The following DDX10 variants were observed in gnomAD, a reference collection of about 807,000 sequenced individuals.
The protein encoded by DDX10 is DEAD-box helicase 10.
In DDX10, 74 loss-of-function variants were observed where a neutral mutation model predicts 104.3. That is an observed-to-expected ratio of 0.71 (90% CI 0.59 to 0.86). DDX10 has a LOEUF of 0.86. DDX10 is among the 40% of genes least tolerant of loss of function. DDX10 has a pLI of 0.00. For missense variants in DDX10, 952 were observed against 1,040.0 expected (o/e 0.92, Z 1.16); for synonymous variants, 351 against 353.4 (o/e 0.99, Z 0.08).
Position 108,742,271 on chromosome 11 carries a change from AAAAC to A in DDX10, c.1965+18813_1965+18816del, listed in dbSNP as rs559275515. On this transcript the variant is annotated intron_variant, in intron 13 of 17. Transcript: ENST00000322536. ...TGAGACTCTGTCTCAAAAACAAAAC[AAAAC>A]AAAAAAAAAACCCTGGGCATGGTGG... Among the ~76,000 whole-genome samples the A allele has an allele frequency of 2.0e-3, 285 of 145,134 alleles. 1 individual carries two copies. The highest frequency in any genetic ancestry group is 7.1e-3 in the South Asian group (32 of 4,510).
intron 13 of DDX10, among the ~76,000 whole-genome samples, chr11:108,727,104 G>C (rs935260745): frequency 6.6e-6 from 1 of 151,842 alleles, no homozygotes; most frequent in African/African-American, 2.4e-5. Context: ...GGATCTTTCT[G>C]TTGTTGTGAG....
chr11:108,882,235 A>G (rs1385621125), intron 16 of DDX10, among the ~76,000 whole-genome samples: 3 of 152,236 alleles, frequency 2.0e-5, no homozygotes, highest in Non-Finnish European at 2.9e-5. Flanking sequence ...CATAAAACCT[A>G]CATGAAATGG....
At chr11:108,670,327 A>C (rs1161150391) in intron 1 of DDX10, among the ~76,000 whole-genome samples, 1 of 152,090 alleles carries the variant, frequency 6.6e-6, no homozygotes, top group Non-Finnish European at 1.5e-5. Flanking sequence ...AGGAGAGGGA[A>C]CAGGAGTAGG....
intron 13 of DDX10, among the ~76,000 whole-genome samples, chr11:108,787,878 G>A (rs1861817073): frequency 6.6e-6 from 1 of 151,992 alleles, no homozygotes; most frequent in Admixed American, 6.6e-5. Flanking sequence ...TGCGGTGAGC[G>A]GAGATCGTGC....
chr11:108,794,604 T>G (rs1009783856), intron 13 of DDX10, among the ~76,000 whole-genome samples: 1 of 152,180 alleles, frequency 6.6e-6, no homozygotes, highest in Non-Finnish European at 1.5e-5. Context: ...GTCAAATGCC[T>G]TTTTTACATT....
intron 13 of DDX10, among the ~76,000 whole-genome samples, chr11:108,834,797 G>A (rs1480043761): frequency 1.3e-5 from 2 of 151,604 alleles, no homozygotes; most frequent in African/African-American, 4.8e-5. Context: ...GCGTGGTGGC[G>A]GGCGCCTGTA....
At chr11:108,845,396 A>G (rs556040605) in intron 15 of DDX10, among the ~76,000 whole-genome samples, 5 of 152,200 alleles carry the variant, frequency 3.3e-5, no homozygotes, top group Admixed American at 2.6e-4. Context: ...AACTGAGTAT[A>G]CTACTACTAT....
At chr11:108,900,714 A>G (rs989471879) in intron 16 of DDX10, among the ~76,000 whole-genome samples, 4 of 152,158 alleles carry the variant, frequency 2.6e-5, no homozygotes, top group Non-Finnish European at 4.4e-5. Flanking sequence ...TACATGCCCA[A>G]GTTTGCCCCA....
At chr11:108,806,210 G>A (rs1173851650) in intron 13 of DDX10, among the ~76,000 whole-genome samples, 1 of 152,062 alleles carries the variant, frequency 6.6e-6, no homozygotes, top group African/African-American at 2.4e-5. Flanking sequence ...TGATCCCTCC[G>A]CCTTGGCCTC....
At chr11:108,936,695 C>T (rs1036585232) in intron 17 of DDX10, among the ~76,000 whole-genome samples, 1 of 152,074 alleles carries the variant, frequency 6.6e-6, no homozygotes, top group Non-Finnish European at 1.5e-5. Context: ...ATTTTATAAC[C>T]TATTTAATCC....
At chr11:108,794,313 C>T (rs1861910378) in intron 13 of DDX10, among the ~76,000 whole-genome samples, 1 of 151,836 alleles carries the variant, frequency 6.6e-6, no homozygotes, top group Non-Finnish European at 1.5e-5. Flanking sequence ...TTCACATTGA[C>T]AGTTATGTAA....
intron 13 of DDX10, among the ~76,000 whole-genome samples, chr11:108,776,838 T>TG (rs1253234419): frequency 3.3e-5 from 5 of 152,118 alleles, no homozygotes; most frequent in Admixed American, 2.0e-4. Context: ...AGCAAGAAAA[T>TG]GGGGACTTCA....
chr11:108,906,803 T>C (rs7103209), intron 16 of DDX10, among the ~76,000 whole-genome samples: 716 of 152,274 alleles, frequency 4.7e-3, no homozygotes, highest in Non-Finnish European at 7.8e-3. Context: ...CTGTGAAATA[T>C]TCATATATTA....
chr11:108,775,463 T>C (rs749315579), intron 13 of DDX10, among the ~76,000 whole-genome samples: 5 of 152,202 alleles, frequency 3.3e-5, no homozygotes, highest in Non-Finnish European at 5.9e-5. Flanking sequence ...GAAGAATTTA[T>C]GCTAAGCCTT....
intron 13 of DDX10, among the ~76,000 whole-genome samples, chr11:108,807,932 G>A (rs1862122470): frequency 6.6e-6 from 1 of 152,214 alleles, no homozygotes; most frequent in South Asian, 2.1e-4. Context: ...AGGTAAATTA[G>A]AAAAGTGTCA....
chr11:108,880,978 C>T (rs2134631904), intron 16 of DDX10, among the ~76,000 whole-genome samples: 1 of 152,192 alleles, frequency 6.6e-6, no homozygotes, highest in African/African-American at 2.4e-5. Flanking sequence ...TTATAAGTAC[C>T]ACATATTTAT....
intron 13 of DDX10, chr11:108,730,022 TTCAAGTGG>T (rs2094310095): frequency 3.3e-5 from 5 of 153,660 alleles, no homozygotes; most frequent in African/African-American, 1.2e-4. Context: ...AATGGATCAA[TTCAAGTGG>T]GCATGAAGTT....
chr11:108,794,787 A>G (rs1017702362), intron 13 of DDX10, among the ~76,000 whole-genome samples: 1 of 150,478 alleles, frequency 6.6e-6, no homozygotes, highest in African/African-American at 2.4e-5. Flanking sequence ...TTCTACACCT[A>G]TGTTTGCGAA....
At chr11:108,888,695 C>T (rs1022069300) in intron 16 of DDX10, among the ~76,000 whole-genome samples, 3 of 151,924 alleles carry the variant, frequency 2.0e-5, no homozygotes, top group African/African-American at 4.8e-5. Flanking sequence ...ACTAAGGATG[C>T]TGCATGGATG....
Sources: allele counts gnomAD v4.1 joint callset (sites outside exome capture counted in the v4.1 genomes callset), GRCh38; gene constraint gnomAD v4.1.1; transcripts MANE v1.5; gene names NCBI Gene and HGNC (gene_info 2026-07-23, HGNC 2026-07-21).